The following CNTNAP2 variants were observed in gnomAD, a reference collection of about 807,000 sequenced individuals.
CNTNAP2 encodes the protein contactin-associated protein-like 2.
In CNTNAP2, 98 loss-of-function variants were observed where a neutral mutation model predicts 155.2. That is an observed-to-expected ratio of 0.63 (90% confidence interval 0.54 to 0.75). The LOEUF is 0.75. Ranked by LOEUF, CNTNAP2 falls within the 30% of genes least tolerant of loss-of-function variation. The pLI is 0.00. For missense variants in CNTNAP2, 1,727 were observed against 1,688.1 expected (o/e 1.02, Z -0.40); for synonymous variants, 651 against 631.2 (o/e 1.03, Z -0.47).
At chr7:148,032,941 T>A (rs1245951699) in intron 15 of CNTNAP2, among the ~76,000 whole-genome samples, 1 of 152,166 alleles carries the variant, frequency 6.6e-6, no homozygotes, top group Non-Finnish European at 1.5e-5. Context: ...CATGAATTCA[T>A]GAAAGGCACA....
chr7:146,633,490 G>A (rs1298970721), intron 1 of CNTNAP2, among the ~76,000 whole-genome samples: 1 of 152,086 alleles, frequency 6.6e-6, no homozygotes, highest in Non-Finnish European at 1.5e-5. Flanking sequence ...TTAGTGTGAA[G>A]TTAATCACAA....
intron 1 of CNTNAP2, among the ~76,000 whole-genome samples, chr7:146,445,616 G>A (rs546692446): frequency 4.4e-4 from 67 of 152,202 alleles, no homozygotes; most frequent in African/African-American, 1.6e-3. Context: ...TCTCTTTACA[G>A]TTTCTTTTCT....
rs543151906 is a variant in CNTNAP2, at chr7:147,199,216, C to T, written c.1348+66707C>T. Among the ~76,000 whole-genome samples, 41 of 152,168 alleles carry T rather than the reference C, an allele frequency of 2.7e-4. No individual in the cohort carries two copies. The South Asian group carries it at 8.3e-3, about 31-fold the overall frequency. On this transcript the variant is annotated intron_variant, in intron 8 of 23. Coordinates refer to ENST00000361727, the MANE Select transcript of CNTNAP2 (RefSeq NM_014141.6). ...AGCTCAGGTAATGCACCCGCCTTGG[C>T]CTCCCAAAGTGCTGGGATTACAGGC...
intron 10 of CNTNAP2, among the ~76,000 whole-genome samples, chr7:147,435,225 G>T (rs922242133): frequency 6.6e-5 from 10 of 152,128 alleles, no homozygotes; most frequent in African/African-American, 2.2e-4. Flanking sequence ...AATGAGTAGA[G>T]CCCACTGCAG....
At chr7:146,390,410 T>C (rs1364552696) in intron 1 of CNTNAP2, among the ~76,000 whole-genome samples, 1 of 151,956 alleles carries the variant, frequency 6.6e-6, no homozygotes. Context: ...CATTGACGAC[T>C]GCAAAGTGTC....
intron 1 of CNTNAP2, among the ~76,000 whole-genome samples, chr7:146,409,695 A>G (rs897096252): frequency 6.6e-6 from 1 of 152,212 alleles, no homozygotes; most frequent in South Asian, 2.1e-4. Context: ...AAGATTAATC[A>G]CTGCATCCTC....
intron 1 of CNTNAP2, among the ~76,000 whole-genome samples, chr7:146,331,852 T>C (rs1333736870): frequency 6.6e-6 from 1 of 152,188 alleles, no homozygotes; most frequent in Non-Finnish European, 1.5e-5. Context: ...TAGAATATAA[T>C]TATTACATAC....
At chr7:147,441,925 G>A (rs956014650) in intron 10 of CNTNAP2, among the ~76,000 whole-genome samples, 10 of 138,242 alleles carry the variant, frequency 7.2e-5, no homozygotes, top group South Asian at 5.1e-4. Flanking sequence ...GTGGAATGAC[G>A]TAAGCACCCC....
intron 21 of CNTNAP2, among the ~76,000 whole-genome samples, chr7:148,302,813 CTTTTTTT>C (rs59354674): frequency 6.9e-5 from 6 of 86,938 alleles, no homozygotes; most frequent in South Asian, 4.6e-4. Flanking sequence ...CTCGATTATT[CTTTTTTT>C]TTTTTTTTTT....
chr7:147,183,200 CAA>C (rs946012042), intron 8 of CNTNAP2, among the ~76,000 whole-genome samples: 1 of 150,648 alleles, frequency 6.6e-6, no homozygotes, highest in Admixed American at 6.6e-5. Context: ...AATTAAAATA[CAA>C]AAAAATCATT....
At chr7:147,168,276 A>G (rs908946228) in intron 8 of CNTNAP2, among the ~76,000 whole-genome samples, 5 of 151,618 alleles carry the variant, frequency 3.3e-5, no homozygotes, top group African/African-American at 1.2e-4. Flanking sequence ...CAATTCAAAG[A>G]TATGTTTCCA....
chr7:147,193,423 A>G (rs1802720623), intron 8 of CNTNAP2, among the ~76,000 whole-genome samples: 2 of 152,200 alleles, frequency 1.3e-5, no homozygotes, highest in South Asian at 4.1e-4. Flanking sequence ...AAGCAGTGTT[A>G]AGCCTCTGCT....
chr7:147,911,808 A>G (rs1311089362), intron 14 of CNTNAP2, among the ~76,000 whole-genome samples: 1 of 152,164 alleles, frequency 6.6e-6, no homozygotes, highest in African/African-American at 2.4e-5. Flanking sequence ...AGATGGAATA[A>G]TATTCCATTG....
intron 15 of CNTNAP2, among the ~76,000 whole-genome samples, chr7:147,988,885 A>ATAGAGTC (rs1295725373): frequency 5.3e-5 from 8 of 152,198 alleles, no homozygotes; most frequent in Non-Finnish European, 8.8e-5. Context: ...ACGGAGTGAA[A>ATAGAGTC]TAGAGTCTAA....
intron 21 of CNTNAP2, among the ~76,000 whole-genome samples, chr7:148,351,744 C>CAAGAAAAAAAAAAAAAAAAAA (rs1798430262): frequency 1.2e-5 from 1 of 85,396 alleles, no homozygotes; most frequent in Non-Finnish European, 2.1e-5. Context: ...CTCTGTCTCA[C>CAAGAAAAAAAAAAAAAAAAAA]AAAAAAAAAA....
chr7:147,707,477 T>C (rs1446052684), intron 13 of CNTNAP2, among the ~76,000 whole-genome samples: 1 of 152,244 alleles, frequency 6.6e-6, no homozygotes, highest in Admixed American at 6.5e-5. Context: ...GATGAAGATT[T>C]TCTGGGGACA....
At chr7:147,464,465 T>TAAAAAA (rs71183005) in intron 10 of CNTNAP2, among the ~76,000 whole-genome samples, 1 of 65,966 alleles carries the variant, frequency 1.5e-5, no homozygotes, top group African/African-American at 6.2e-5. Flanking sequence ...AGACTCCATC[T>TAAAAAA]AAAAAAAAAA....
At chr7:148,099,976 A>T (rs1436294650) in intron 15 of CNTNAP2, among the ~76,000 whole-genome samples, 1 of 147,236 alleles carries the variant, frequency 6.8e-6, no homozygotes, top group Non-Finnish European at 1.5e-5. Context: ...GGGTTTAAGC[A>T]ATTCTCTGCC....
intron 1 of CNTNAP2, among the ~76,000 whole-genome samples, chr7:146,632,539 A>G (rs1430293504): frequency 6.6e-6 from 1 of 152,142 alleles, no homozygotes; most frequent in Non-Finnish European, 1.5e-5. Flanking sequence ...CTAATACACT[A>G]TGAATATCCA....
Sources: allele counts gnomAD v4.1 joint callset (sites outside exome capture counted in the v4.1 genomes callset), GRCh38; gene constraint gnomAD v4.1.1; transcripts MANE v1.5; gene names NCBI Gene and HGNC (gene_info 2026-07-23, HGNC 2026-07-21).